Variants in NKIRAS1 observed in about 807,000 individuals in gnomAD.
NKIRAS1 encodes NFKB inhibitor interacting Ras like 1.
A neutral mutation model predicts 19.8 loss-of-function variants in NKIRAS1; 16 were observed. The observed-to-expected ratio is 0.81, with a 90% CI of 0.55 to 1.23. NKIRAS1 has a LOEUF of 1.23. Among genes scored for constraint, NKIRAS1 ranks in the 50% most tolerant of loss-of-function variants. The probability of loss-of-function intolerance (pLI) is 0.00; values close to 1 mark genes in which losing one functional copy is unlikely to be tolerated. For synonymous variants in NKIRAS1, 88 were observed against 79.0 expected (o/e 1.11, Z -0.61); for missense variants, 184 against 220.0 (o/e 0.84, Z 1.04).
chr3:23,920,036 T>C (rs751925811), upstream of NKIRAS1: 7 of 986,186 alleles, frequency 7.1e-6, no homozygotes, highest in South Asian at 2.3e-4. Context: ...CATGGCTTCA[T>C]GGCATTCAGT....
At chr3:23,915,260 AAGCAGT>A (rs1704224430) in intron 1 of NKIRAS1, among the ~76,000 whole-genome samples, 1 of 152,154 alleles carries the variant, frequency 6.6e-6, no homozygotes, top group South Asian at 2.1e-4. Context: ...AAGATGAAGG[AAGCAGT>A]CAGGAGCCAA....
chr3:23,911,484 G>A (rs1242579693), intron 1 of NKIRAS1, 34 bp from the exon 2 acceptor site: 1 of 153,148 alleles, frequency 6.5e-6, no homozygotes, highest in Non-Finnish European at 1.5e-5. Flanking sequence ...CACATGGATA[G>A]GTATGAATAC....
At chr3:23,907,428 T>C (rs989508924) in intron 3 of NKIRAS1, among the ~76,000 whole-genome samples, 3 of 152,152 alleles carry the variant, frequency 2.0e-5, no homozygotes, top group Admixed American at 6.5e-5. Flanking sequence ...TGTTGAAGGG[T>C]CAATTGTACT....
chr3:23,922,874 A>C lies in NKIRAS1; in HGVS notation c.-139-11424T>G, dbSNP rs1705135854. ...GGCTGGAGTGTAGTGGCGCGTTCACAACTTACTGTAGCCTCAACCTCCTGG... is the reference window on the plus strand; with the variant it reads ...GGCTGGAGTGTAGTGGCGCGTTCACCACTTACTGTAGCCTCAACCTCCTGG... On this transcript the variant is annotated intron_variant, in intron 1 of 4. Transcript: ENST00000421515. The surrounding 1 kb of genome is among the most constrained non-coding windows in gnomAD (Gnocchi z 4.2). 6.6e-6 allele frequency: 1 copy of C among 152,166 alleles called. No homozygotes were observed. The highest frequency in any genetic ancestry group is 6.6e-5 in the Admixed American group (1 of 15,258). The allele number at this position is 152,166 out of a possible 1,614,324, so 9.4% of individuals were successfully genotyped here.
intron 1 of NKIRAS1, among the ~76,000 whole-genome samples, chr3:23,936,862 G>C (rs529658715): frequency 6.6e-6 from 1 of 152,336 alleles, no homozygotes; most frequent in South Asian, 2.1e-4. Context: ...CTGAAAAATT[G>C]CATTTCTAAC....
At chr3:23,915,126 C>G (rs4241514) in intron 1 of NKIRAS1, among the ~76,000 whole-genome samples, 1 of 152,074 alleles carries the variant, frequency 6.6e-6, no homozygotes, top group African/African-American at 2.4e-5. Flanking sequence ...AACTTCCATA[C>G]GAAGATATTA....
At chr3:23,942,055 G>A (rs1314537023) in intron 1 of NKIRAS1, among the ~76,000 whole-genome samples, 2 of 151,468 alleles carry the variant, frequency 1.3e-5, no homozygotes, top group African/African-American at 2.4e-5. Flanking sequence ...CTCAGCTTAC[G>A]ATAAACTCTG....
chr3:23,903,496 G>A (rs562578033), intron 3 of NKIRAS1, among the ~76,000 whole-genome samples: 4 of 151,946 alleles, frequency 2.6e-5, no homozygotes, highest in South Asian at 2.1e-4. Flanking sequence ...AGAAGAGACC[G>A]CTACAGAGAA....
chr3:23,894,030 G>T (rs1345299090), intron 4 of NKIRAS1, among the ~76,000 whole-genome samples: 1 of 152,140 alleles, frequency 6.6e-6, no homozygotes, highest in Non-Finnish European at 1.5e-5. Flanking sequence ...GTATCCATGA[G>T]AACAGGAATT....
rs187453260 is a variant in NKIRAS1 at position 23,891,549 on chromosome 3, A to C, written c.*1546T>G. On this transcript the variant is annotated 3_prime_UTR_variant, in exon 5 of 5. Transcript: ENST00000425478. ...AAGACGAACCCTACTGCATCTTTTT[A>C]AAAGCATTTTCTGACTTGCAGATGC... 1 of 152,346 alleles carries C rather than the reference A, an allele frequency of 6.6e-6. No homozygotes were observed. The highest frequency in any genetic ancestry group is 1.5e-5 in the Non-Finnish European group (1 of 68,028). The allele number at this position is 152,346 out of a possible 1,614,324, so 9.4% of individuals were successfully genotyped here.
intron 1 of NKIRAS1, among the ~76,000 whole-genome samples, chr3:23,936,312 G>A (rs577878882): frequency 1.3e-5 from 2 of 152,208 alleles, no homozygotes; most frequent in African/African-American, 4.8e-5. Flanking sequence ...AAGGTGTGGT[G>A]CAGAAATTCT....
upstream of NKIRAS1, chr3:23,921,736 A>G: frequency 1.6e-6 from 1 of 619,220 alleles, no homozygotes; most frequent in Non-Finnish European, 2.8e-6. Context: ...TGCCATGCCC[A>G]GCTAAGTTTT....
At chr3:23,945,637 C>G (rs1023650319) in intron 1 of NKIRAS1, 16 of 1,144,300 alleles carry the variant, frequency 1.4e-5, no homozygotes, top group Non-Finnish European at 1.6e-5. Context: ...CCGGAGGGAG[C>G]GCTCAGAGCC....
At chr3:23,901,668 C>A (rs1015218859) in intron 3 of NKIRAS1, among the ~76,000 whole-genome samples, 4 of 152,080 alleles carry the variant, frequency 2.6e-5, no homozygotes. Context: ...ATTCAATAAG[C>A]CCTTACTGAT....
At chr3:23,903,501 A>G (rs572642554) in intron 3 of NKIRAS1, among the ~76,000 whole-genome samples, 1 of 152,256 alleles carries the variant, frequency 6.6e-6, no homozygotes, top group Non-Finnish European at 1.5e-5. Context: ...AGACCGCTAC[A>G]GAGAAACCAA....
Position 23,926,128 on chromosome 3 carries a change from G to C in NKIRAS1, c.-139-14678C>G, listed in dbSNP as rs1705207541. Among the ~76,000 whole-genome samples, 2 of 152,146 alleles carry C rather than the reference G, an allele frequency of 1.3e-5. No homozygotes were observed. The highest frequency in any genetic ancestry group is 1.3e-4 in the Admixed American group (2 of 15,272). Reference sequence around the variant, plus strand: ...TGCAGTGGCACAATCTTGGCTCACTGTAACCTCTGCCTCCCAGGTTCAAGC... The same window carrying C: ...TGCAGTGGCACAATCTTGGCTCACTCTAACCTCTGCCTCCCAGGTTCAAGC... On this transcript the variant is annotated intron_variant, in intron 1 of 4. Transcript: ENST00000421515. The surrounding 1 kb of genome is among the most constrained non-coding windows in gnomAD (Gnocchi z 4.3).
chr3:23,929,487 C>T (rs185858094), intron 1 of NKIRAS1, among the ~76,000 whole-genome samples: 142 of 152,238 alleles, frequency 9.3e-4, no homozygotes, highest in African/African-American at 3.0e-3. Flanking sequence ...AGAGCAGTGG[C>T]GTGATCTTAG....
chr3:23,890,405 T>G lies in NKIRAS1; in HGVS notation c.*2690A>C, dbSNP rs753162553. 1,036 of 1,025,190 alleles carry G rather than the reference T, an allele frequency of 1.0e-3. 12 individuals are homozygous for G. The highest frequency in any genetic ancestry group is 2.4e-4 in the Non-Finnish European group (168 of 712,384). 63.5% of individuals were successfully genotyped at this position (1,025,190 alleles called of 1,614,324 possible). A position where few individuals can be genotyped will look rare whatever the true frequency, so the allele number is the denominator to read the frequency against. ...AGTGGTGTTTCGAAGATGGGTTTGA[T>G]CACACATACTTTGTCGTACGTATCT... On this transcript the variant is annotated 3_prime_UTR_variant, in exon 5 of 5. Transcript: ENST00000425478.
upstream of NKIRAS1, chr3:23,920,531 G>GTCT: frequency 1.0e-6 from 1 of 985,284 alleles, no homozygotes; most frequent in Non-Finnish European, 1.2e-6. Context: ...TTTGCACCAT[G>GTCT]TCTTCCAGGA....
Sources: allele counts gnomAD v4.1 joint callset (sites outside exome capture counted in the v4.1 genomes callset), GRCh38; gene constraint gnomAD v4.1.1; non-coding constraint Gnocchi (gnomAD v3.1); transcripts MANE v1.5; gene names NCBI Gene and HGNC (gene_info 2026-07-23, HGNC 2026-07-21).